ACACB: variants seen among roughly 807,000 people sequenced by gnomAD.
ACACB encodes the protein acetyl-CoA carboxylase beta, also known as acetyl-CoA carboxylase 2.
A neutral mutation model predicts 278.8 loss-of-function variants in ACACB; 209 were observed. That is an observed-to-expected ratio of 0.75 (90% CI 0.67 to 0.84). ACACB has a LOEUF of 0.84. Ranked by LOEUF, ACACB falls within the 40% of genes least tolerant of loss-of-function variation. ACACB has a pLI of 0.00. For synonymous variants in ACACB, 1,174 were observed against 1,285.6 expected (o/e 0.91, Z 1.86); for missense variants, 2,850 against 3,269.0 (o/e 0.87, Z 3.13).
chr12:109,211,754 C>G (rs980036628), intron 21 of ACACB, among the ~76,000 whole-genome samples: 3 of 152,124 alleles, frequency 2.0e-5, no homozygotes, highest in Non-Finnish European at 4.4e-5. Context: ...CACTACCAAC[C>G]ACTGAATGTA....
chr12:109,225,832 G>A (rs1190025365), intron 27 of ACACB, among the ~76,000 whole-genome samples: 5 of 152,176 alleles, frequency 3.3e-5, no homozygotes, highest in African/African-American at 1.2e-4. Flanking sequence ...ATGTAGTACT[G>A]TATGGAGAAA....
Position 109,239,876 on chromosome 12 carries a change from T to C in ACACB, c.4709T>C (p.Leu1570Pro). ...YLQNEGERLL[L>P]EAMDELEVAF... ...CAGAACGAGGGTGAGCGGCTGCTCC[T>C]GGAGGCCATGGACGAGCTGGAGGTG... The change falls in exon 35 of 53, where the codon CTG becomes CCG. Residue 1570 changes from leucine (L) to proline (P), a missense_variant. Transcript: ENST00000338432. 4 of 1,614,156 alleles carry C rather than the reference T, an allele frequency of 2.5e-6. No individual in the cohort carries two copies. Among genetic ancestry groups the C allele is most frequent in the Non-Finnish European group, 8.5e-7 (1 of 1,180,018 alleles).
intron 27 of ACACB, among the ~76,000 whole-genome samples, chr12:109,226,231 A>C (rs1482727279): frequency 6.6e-6 from 1 of 152,192 alleles, no homozygotes; most frequent in African/African-American, 2.4e-5. Flanking sequence ...TGATCTCACC[A>C]CTGTACTCCA....
upstream of ACACB, chr12:109,113,480 ATGT>A (rs981563088): frequency 3.3e-5 from 5 of 152,342 alleles, no homozygotes; most frequent in Admixed American, 2.6e-4. Context: ...TTATTAGCAA[ATGT>A]TGTACTGGAA....
intron 48 of ACACB, among the ~76,000 whole-genome samples, 160 bp from the exon 49 acceptor site, chr12:109,262,197 T>C (rs1263584699): frequency 6.6e-6 from 1 of 152,124 alleles, no homozygotes; most frequent in Non-Finnish European, 1.5e-5. Context: ...AGAGGGAAAG[T>C]GACTTGTCTA....
intron 2 of ACACB, among the ~76,000 whole-genome samples, chr12:109,156,333 C>T (rs2136103848): frequency 6.6e-6 from 1 of 152,064 alleles, no homozygotes; most frequent in African/African-American, 2.4e-5. Flanking sequence ...AGTTCGAGAC[C>T]AGCTTGGGCA....
intron 34 of ACACB, 38 bp downstream of exon 34, chr12:109,237,418 C>T (rs773577062): frequency 6.4e-7 from 1 of 1,562,110 alleles, no homozygotes; most frequent in Non-Finnish European, 8.7e-7. Context: ...CTCTCAGAAC[C>T]TGGCCCTCCC....
At chr12:109,205,443 C>T (rs1399299214) in intron 19 of ACACB, among the ~76,000 whole-genome samples, 1 of 151,704 alleles carries the variant, frequency 6.6e-6, no homozygotes, top group Non-Finnish European at 1.5e-5. Context: ...AGGGGAAAAC[C>T]CTCAAGTCAG....
intron 1 of ACACB, among the ~76,000 whole-genome samples, chr12:109,135,808 C>CTT (rs59597788): frequency 0.24 from 28,662 of 117,090 alleles, 3,789 homozygotes; most frequent in East Asian, 0.59. Flanking sequence ...AGAGGTAATA[C>CTT]TTTTTTTTTT....
At chr12:109,209,984 T>TGTGTGTATATGTGTATATATACACAC (rs2045663121) in intron 21 of ACACB, among the ~76,000 whole-genome samples, 2 of 97,652 alleles carry the variant, frequency 2.0e-5, no homozygotes, top group Non-Finnish European at 4.2e-5. Context: ...TACACACACG[T>TGTGTGTATATGTGTATATATACACAC]GTGTGTATAT....
chr12:109,204,969 C>T (rs888538146), intron 19 of ACACB, among the ~76,000 whole-genome samples: 1 of 152,124 alleles, frequency 6.6e-6, no homozygotes, highest in Non-Finnish European at 1.5e-5. Flanking sequence ...GCCTCAGACT[C>T]CCGGGTAGCA....
intron 22 of ACACB, 65 bp downstream of exon 22, chr12:109,213,001 G>A (rs571429102): frequency 2.8e-6 from 4 of 1,420,684 alleles, no homozygotes; most frequent in Middle Eastern, 1.8e-4. Context: ...TTGCACCAGG[G>A]TGGTGCTCTG....
At chr12:109,116,039 T>C (rs1421026311), upstream of ACACB, among the ~76,000 whole-genome samples, 1 of 152,230 alleles carries the variant, frequency 6.6e-6, no homozygotes, top group Non-Finnish European at 1.5e-5. Context: ...CAGCGTGTGC[T>C]GAATTTCCTC....
At position 109,235,653 on chromosome 12, in the gene ACACB, G is replaced by C; in HGVS notation, c.4446+6G>C. The stretch of plus-strand genomic sequence containing the variant: ...CATTCAGAGCAAGAGATGAGGTATG[G>C]CCAAAAGTAATGATGTTTTCTCTTC... On this transcript the variant is annotated splice_donor_region_variant and intron_variant, in intron 33 of 52. Coordinates refer to ENST00000338432, the MANE Select transcript of ACACB (RefSeq NM_001093.4). 20 of 1,608,594 alleles carry C rather than the reference G, an allele frequency of 1.2e-5. No homozygotes were observed. Among genetic ancestry groups the C allele is most frequent in the Non-Finnish European group, 1.5e-5 (18 of 1,175,638 alleles).
At chr12:109,239,600 A>G (rs893516416) in intron 34 of ACACB, among the ~76,000 whole-genome samples, 1 of 152,248 alleles carries the variant, frequency 6.6e-6, no homozygotes, top group Non-Finnish European at 1.5e-5. Context: ...GCAAGGCCCC[A>G]GGTGTCAAAG....
rs2045529063 is a variant in ACACB, at chr12:109,206,751, G to T, written c.2955G>T (p.Leu985=). 1 of 1,614,108 alleles carries T rather than the reference G, an allele frequency of 6.2e-7. No individual in the cohort carries two copies. ...GAGAACTCCCTGCCCAGCAGACACT[G>T]CCCATCCTCGGAGAGAAACTGCACC... ...FTGELPAQQT[L]PILGEKLHQV... Residue 985 remains leucine, a synonymous_variant, in exon 20 of 53, where the codon CTG becomes CTT. Coordinates refer to ENST00000338432, the MANE Select transcript of ACACB (RefSeq NM_001093.4).
intron 36 of ACACB, chr12:109,242,212 C>G (rs1350594060): frequency 3.9e-6 from 2 of 509,490 alleles, no homozygotes; most frequent in African/African-American, 3.8e-5. Context: ...GCCTTGATCA[C>G]TGTATTTTTG....
Position 109,206,771 on chromosome 12 carries a change from T to C in ACACB, c.2975T>C (p.Leu992Pro), listed in dbSNP as rs776789021. The part of the protein sequence containing the change: ...QQTLPILGEK[L>P]HQVFHSVLEN... Reference sequence around the variant, plus strand: ...ACACTGCCCATCCTCGGAGAGAAACTGCACCAGGTCTTCCACAGCGTCCTG... The same window carrying C: ...ACACTGCCCATCCTCGGAGAGAAACCGCACCAGGTCTTCCACAGCGTCCTG... Residue 992 changes from leucine (L) to proline (P), a missense_variant, in exon 20 of 53, where the codon CTG (leucine) becomes CCG (proline). Physicochemically the swap from Leu to Pro is moderately conservative, Grantham distance 98. Around this residue, in one of 3 missense-constraint regions of ACACB, gnomAD observed 2,265 missense variants for 2,561.3 expected, o/e 0.88. Transcript: ENST00000338432. 6.2e-7 allele frequency: 1 copy of C among 1,614,080 alleles called. No individual in the cohort carries two copies. Among genetic ancestry groups the C allele is most frequent in the East Asian group, 2.2e-5 (1 of 44,874 alleles).
intron 4 of ACACB, 52 bp from the exon 5 acceptor site, chr12:109,171,753 T>C (rs1002827688): frequency 5.1e-6 from 7 of 1,376,636 alleles, no homozygotes; most frequent in Middle Eastern, 1.8e-4. Context: ...TGTTCTGCCA[T>C]TGATGTCAGT....
Sources: gnomAD v4.1 joint callset for allele counts (sites outside exome capture counted in the v4.1 genomes callset) on GRCh38, gnomAD v4.1.1 for gene constraint, gnomAD v4.1.1 regional missense constraint, MANE v1.5 for transcripts, NCBI Gene and HGNC (gene_info 2026-07-23, HGNC 2026-07-21) for gene names.